RGPD1: variants seen among roughly 807,000 people sequenced by gnomAD.
RGPD1 encodes the protein RANBP2-like and GRIP domain-containing protein 1.
A neutral mutation model predicts 40.6 loss-of-function variants in RGPD1; 7 were observed. The observed-to-expected ratio is 0.17, with a 90% CI of 0.10 to 0.32. The LOEUF (loss-of-function observed/expected upper bound fraction) is 0.32, where lower values mean the gene tolerates loss of function less well. Among genes scored for constraint, RGPD1 ranks in the 10% least tolerant of loss-of-function variants. The probability of loss-of-function intolerance (pLI) is 1.00; values close to 1 mark genes in which losing one functional copy is unlikely to be tolerated. For missense variants in RGPD1, 50 were observed against 472.5 expected (o/e 0.11, Z 8.29); for synonymous variants, 24 against 167.0 (o/e 0.14, Z 6.60).
intron 1 of RGPD1, among the ~76,000 whole-genome samples, chr2:86,924,474 T>A (rs896341965): frequency 1.3e-5 from 2 of 150,530 alleles, no homozygotes; most frequent in African/African-American, 4.9e-5. Context: ...ACATTTTCAT[T>A]TCTTTTTTAA....
At position 86,947,537 on chromosome 2, in the gene RGPD1, A is replaced by G. The variant is rs1021781755; in HGVS notation, c.73-3759A>G. 9.9e-5 allele frequency among the ~76,000 whole-genome samples: 10 copies of G among 100,988 alleles called. 1 individual carries two copies. Among genetic ancestry groups the G allele is most frequent in the African/African-American group, 3.6e-4 (10 of 27,434 alleles). The allele number at this position is 100,988 out of a possible 152,430, so 66.3% of individuals were successfully genotyped here. On this transcript the variant is annotated intron_variant, in intron 1 of 22. Coordinates refer to ENST00000641458, the MANE Select transcript of RGPD1 (RefSeq NM_001382344.1). ...GTTCTTGGTAACAAAGGTTTTCTGGAAGTGTCCTTTCAATTGGGAAACTCA... is the reference window on the plus strand; with the variant it reads ...GTTCTTGGTAACAAAGGTTTTCTGGGAGTGTCCTTTCAATTGGGAAACTCA...
At chr2:86,918,260 C>G (rs1677863706) in intron 1 of RGPD1, among the ~76,000 whole-genome samples, 1 of 147,744 alleles carries the variant, frequency 6.8e-6, no homozygotes, top group African/African-American at 2.5e-5. Context: ...TCCTTACAGG[C>G]CCTTATTAGA....
intron 4 of RGPD1, among the ~76,000 whole-genome samples, chr2:86,954,718 A>G: frequency 6.7e-6 from 1 of 148,204 alleles, no homozygotes; most frequent in Non-Finnish European, 1.5e-5. Flanking sequence ...TAACCCGACC[A>G]AAGCACAATA....
intron 1 of RGPD1, chr2:86,930,720 T>G (rs1434212953): frequency 1.8e-5 from 28 of 1,545,524 alleles, no homozygotes; most frequent in East Asian, 2.4e-5. Flanking sequence ...CCCCCAGGCC[T>G]CCTCGCTGCC....
upstream of RGPD1, among the ~76,000 whole-genome samples, chr2:86,941,263 A>G (rs1344372010): frequency 1.3e-5 from 2 of 149,926 alleles, no homozygotes; most frequent in African/African-American, 4.9e-5. Flanking sequence ...AATTCCCAAA[A>G]TAGACATTTT....
At chr2:86,942,469 G>A (rs1409748690) in intron 1 of RGPD1, among the ~76,000 whole-genome samples, 161 bp downstream of exon 1, 15 of 134,372 alleles carry the variant, frequency 1.1e-4, no homozygotes, top group Non-Finnish European at 1.8e-4. Context: ...TGAGGCGCCG[G>A]CCTCGACCTG....
At position 86,914,310 on chromosome 2, in the gene RGPD1, CGG is replaced by C. The variant is rs1363569077; in HGVS notation, c.72+390_72+391del. Among the ~76,000 whole-genome samples, 3 of 67,850 alleles carry C rather than the reference CGG, an allele frequency of 4.4e-5. 1 individual carries two copies. 44.5% of individuals were successfully genotyped at this position (67,850 alleles called of 152,430 possible). On this transcript the variant is annotated intron_variant, in intron 1 of 22. Transcript: ENST00000398193. The stretch of plus-strand genomic sequence containing the variant: ...GCGGCGGCGGCGGCGGCGGCGGCGG[CGG>C]CGGCGGCCTCGGCCTGGCCGGGCGG...
At chr2:86,945,741 G>T (rs901885943) in intron 1 of RGPD1, among the ~76,000 whole-genome samples, 6 of 149,786 alleles carry the variant, frequency 4.0e-5, no homozygotes, top group African/African-American at 1.5e-4. Flanking sequence ...AGCCGGGCGT[G>T]GTGGCAGCGC....
chr2:86,915,290 A>G (rs1330205328), intron 1 of RGPD1, among the ~76,000 whole-genome samples: 2 of 151,006 alleles, frequency 1.3e-5, no homozygotes, highest in East Asian at 2.0e-4. Context: ...AGTTAGGGTT[A>G]GGGTTAGGGT....
intron 1 of RGPD1, among the ~76,000 whole-genome samples, chr2:86,942,964 C>G (rs923873535): frequency 6.6e-6 from 1 of 151,898 alleles, no homozygotes; most frequent in Non-Finnish European, 1.5e-5. Flanking sequence ...ATAGTACCCG[C>G]GCGGCCTAGT....
chr2:86,925,925 TA>T (rs758432493), intron 1 of RGPD1, among the ~76,000 whole-genome samples: 1 of 152,120 alleles, frequency 6.6e-6, no homozygotes, highest in South Asian at 2.1e-4. Context: ...AATGAATAAT[TA>T]AAAAAATCCA....
chr2:86,931,796 G>T (rs1678985076), intron 1 of RGPD1, among the ~76,000 whole-genome samples: 1 of 149,536 alleles, frequency 6.7e-6, no homozygotes, highest in South Asian at 2.1e-4. Flanking sequence ...TATTCATAAA[G>T]TTGGTATGAA....
upstream of RGPD1, among the ~76,000 whole-genome samples, chr2:86,940,737 G>A (rs952875050): frequency 1.3e-5 from 2 of 152,016 alleles, no homozygotes; most frequent in African/African-American, 4.8e-5. Context: ...CTGGGCCTCA[G>A]AACTGTGCCA....
chr2:86,943,279 C>G (rs112233434), intron 1 of RGPD1, among the ~76,000 whole-genome samples: 4 of 107,876 alleles, frequency 3.7e-5, no homozygotes, highest in Non-Finnish European at 5.6e-5. Flanking sequence ...CCTCGCCCCC[C>G]CCCCACCCCG....
At chr2:86,927,182 G>A (rs1300644893) in intron 1 of RGPD1, among the ~76,000 whole-genome samples, 9 of 151,468 alleles carry the variant, frequency 5.9e-5, no homozygotes, top group Admixed American at 5.3e-4. Flanking sequence ...AATATCTGGT[G>A]TGTAAATTGG....
chr2:86,932,059 C>T (rs1324266519), intron 1 of RGPD1, among the ~76,000 whole-genome samples: 2 of 145,188 alleles, frequency 1.4e-5, no homozygotes, highest in African/African-American at 5.0e-5. Flanking sequence ...AGGAAACAGA[C>T]TTGGAAGGGC....
intron 1 of RGPD1, among the ~76,000 whole-genome samples, chr2:86,920,160 C>G (rs1223408763): frequency 6.6e-6 from 1 of 151,894 alleles, no homozygotes; most frequent in African/African-American, 2.4e-5. Flanking sequence ...ACCTCTGCCT[C>G]CTAAGTTGAA....
chr2:86,928,363 G>A (rs1346575854), intron 1 of RGPD1, among the ~76,000 whole-genome samples: 3 of 152,106 alleles, frequency 2.0e-5, no homozygotes, highest in Non-Finnish European at 4.4e-5. Flanking sequence ...AAATTAGAGG[G>A]GTAATAGGCA....
chr2:86,930,203 G>A (rs1573581838), intron 1 of RGPD1: 1 of 1,450,060 alleles, frequency 6.9e-7, no homozygotes, highest in East Asian at 2.6e-5. Flanking sequence ...AGGGCACTCT[G>A]GTGGGAGGAA....
Sources: gnomAD v4.1 joint callset for allele counts (sites outside exome capture counted in the v4.1 genomes callset) on GRCh38, gnomAD v4.1.1 for gene constraint, MANE v1.5 for transcripts, NCBI Gene and HGNC (gene_info 2026-07-23, HGNC 2026-07-21) for gene names.